Variants in ANKS1B observed in about 807,000 individuals in gnomAD.
ANKS1B encodes ankyrin repeat and sterile alpha motif domain containing 1B.
Under a neutral mutation model 148.3 loss-of-function variants are expected in ANKS1B, and 36 were observed. The ratio of observed to expected loss-of-function variants is 0.24; its 90% CI spans 0.19 to 0.32. ANKS1B has a LOEUF of 0.32. Among genes scored for constraint, ANKS1B ranks in the 10% least tolerant of loss-of-function variants. The probability of loss-of-function intolerance (pLI) is 1.00; values close to 1 mark genes in which losing one functional copy is unlikely to be tolerated. For missense variants in ANKS1B, 1,157 were observed against 1,542.6 expected (o/e 0.75, Z 4.19); for synonymous variants, 542 against 560.8 (o/e 0.97, Z 0.47).
chr12:98,879,870 C>T (rs1200238958), intron 17 of ANKS1B, among the ~76,000 whole-genome samples: 1 of 152,102 alleles, frequency 6.6e-6, no homozygotes, highest in Non-Finnish European at 1.5e-5. Flanking sequence ...TTTTTCCAAC[C>T]AGAAATGACA....
At chr12:99,882,417 T>C (rs1241262143) in intron 1 of ANKS1B, among the ~76,000 whole-genome samples, 1 of 152,066 alleles carries the variant, frequency 6.6e-6, no homozygotes, top group Non-Finnish European at 1.5e-5. Flanking sequence ...AAAAGTTCAG[T>C]GAACTCCAAA....
chr12:99,613,153 G>T (rs768505044), intron 9 of ANKS1B, among the ~76,000 whole-genome samples: 56 of 152,100 alleles, frequency 3.7e-4, no homozygotes, highest in Non-Finnish European at 7.6e-4. Context: ...TTCTATTGTT[G>T]AGTAAAGAAG....
At position 99,778,806 on chromosome 12, in the gene ANKS1B, A is replaced by G. The variant is rs920448451; in HGVS notation, c.847+1065T>C. Among the ~76,000 whole-genome samples, 7 of 152,304 alleles carry G rather than the reference A, an allele frequency of 4.6e-5. No homozygotes were observed. In the East Asian group the frequency reaches 9.7e-4, roughly 21 times the overall value. On this transcript the variant is annotated intron_variant, in intron 6 of 26. Coordinates refer to ENST00000683438, the MANE Select transcript of ANKS1B (RefSeq NM_001352186.2). ...AGAGCATAATGGCCACATATAGTGC[A>G]TCTATTCCTTTTACTCCTCCTTGGC...
In ANKS1B at chr12:98,744,716, A is replaced by T. The variant is rs924496412; in HGVS notation, c.*1023T>A. ...TGTATTTATTTTTTCTAGAAAAAGA[A>T]ATTTTTGCAATAGAATTTTATTAAC... On this transcript the variant is annotated 3_prime_UTR_variant, in exon 27 of 27. Transcript: ENST00000683438. 33 of 980,796 alleles carry T rather than the reference A, an allele frequency of 3.4e-5. No individual in the cohort carries two copies. Among genetic ancestry groups the T allele is most frequent in the African/African-American group, 2.8e-4 (16 of 57,076 alleles). The allele number at this position is 980,796 out of a possible 1,614,324, so 60.8% of individuals were successfully genotyped here. A position where few individuals can be genotyped will look rare whatever the true frequency, so the allele number is the denominator to read the frequency against.
At chr12:99,842,323 A>C (rs997397350) in intron 1 of ANKS1B, among the ~76,000 whole-genome samples, 1 of 152,102 alleles carries the variant, frequency 6.6e-6, no homozygotes, top group Non-Finnish European at 1.5e-5. Context: ...ACTTCTAATA[A>C]TTTATTTAGA....
At chr12:99,799,042 C>T (rs905172540) in intron 4 of ANKS1B, among the ~76,000 whole-genome samples, 7 of 152,048 alleles carry the variant, frequency 4.6e-5, no homozygotes, top group African/African-American at 1.2e-4. Context: ...AGCTTCTATC[C>T]GCTATCTTAC....
At chr12:99,928,500 G>A (rs188809769) in intron 1 of ANKS1B, among the ~76,000 whole-genome samples, 8 of 151,388 alleles carry the variant, frequency 5.3e-5, no homozygotes, top group African/African-American at 1.9e-4. Context: ...GGATGGTCTC[G>A]ATCTCCTGAC....
intron 9 of ANKS1B, among the ~76,000 whole-genome samples, chr12:98,737,718 T>G (rs2153349483): frequency 6.6e-6 from 1 of 152,302 alleles, no homozygotes; most frequent in African/African-American, 2.4e-5. Flanking sequence ...TATCTTGCCG[T>G]TTTAGTTTGG....
intron 15 of ANKS1B, among the ~76,000 whole-genome samples, chr12:99,147,437 C>T (rs956005581): frequency 2.0e-5 from 3 of 152,050 alleles, no homozygotes; most frequent in African/African-American, 7.2e-5. Context: ...ATTAAGGATC[C>T]TAAATATGAA....
At chr12:99,638,282 C>T (rs888595416) in intron 9 of ANKS1B, among the ~76,000 whole-genome samples, 6 of 152,114 alleles carry the variant, frequency 3.9e-5, no homozygotes, top group African/African-American at 1.2e-4. Flanking sequence ...TTCCTAGAGA[C>T]TTGAGGGCTC....
chr12:99,919,076 C>T (rs902700991), intron 1 of ANKS1B, among the ~76,000 whole-genome samples: 1 of 152,180 alleles, frequency 6.6e-6, no homozygotes, highest in Non-Finnish European at 1.5e-5. Context: ...TTTAGCATCA[C>T]CTGTCCTTCA....
chr12:99,536,206 C>T (rs2097063696), intron 9 of ANKS1B, among the ~76,000 whole-genome samples: 1 of 152,090 alleles, frequency 6.6e-6, no homozygotes, highest in Admixed American at 6.5e-5. Context: ...AGAATGAACC[C>T]TAATGCAAAC....
chr12:99,119,519 G>A (rs2062211492), intron 15 of ANKS1B, among the ~76,000 whole-genome samples: 1 of 152,142 alleles, frequency 6.6e-6, no homozygotes. Context: ...CTAATATATT[G>A]CTGAACTTTG....
intron 22 of ANKS1B, among the ~76,000 whole-genome samples, chr12:98,788,956 C>T (rs1488276290): frequency 4.6e-5 from 7 of 152,176 alleles, no homozygotes; most frequent in Non-Finnish European, 1.0e-4. Flanking sequence ...TTATTTAATT[C>T]TTCATGGTTT....
At chr12:99,065,455 C>T (rs893509824) in intron 16 of ANKS1B, among the ~76,000 whole-genome samples, 1 of 152,184 alleles carries the variant, frequency 6.6e-6, no homozygotes, top group African/African-American at 2.4e-5. Context: ...CCAGAATTAG[C>T]AGTACACAAA....
At chr12:98,937,942 A>T (rs1259929153) in intron 17 of ANKS1B, among the ~76,000 whole-genome samples, 1 of 151,960 alleles carries the variant, frequency 6.6e-6, no homozygotes, top group Non-Finnish European at 1.5e-5. Context: ...ATTTTAAACC[A>T]TCAGATCTTG....
chr12:99,473,752 C>T (rs183682683), intron 10 of ANKS1B, among the ~76,000 whole-genome samples: 73 of 151,988 alleles, frequency 4.8e-4, no homozygotes, highest in Admixed American at 1.8e-3. Context: ...CAATTGTTTC[C>T]ATTCTTTGTT....
intron 1 of ANKS1B, among the ~76,000 whole-genome samples, chr12:99,831,330 A>G (rs2083952592): frequency 6.6e-6 from 1 of 152,116 alleles, no homozygotes; most frequent in South Asian, 2.1e-4. Flanking sequence ...AGAGCTTATA[A>G]TAAGCTGGTG....
intron 1 of ANKS1B, among the ~76,000 whole-genome samples, chr12:99,884,378 T>C (rs935355010): frequency 6.6e-6 from 1 of 152,216 alleles, no homozygotes; most frequent in African/African-American, 2.4e-5. Context: ...ATTTAACTTA[T>C]GACCCAGTAA....
Sources: allele counts gnomAD v4.1 joint callset (sites outside exome capture counted in the v4.1 genomes callset), GRCh38; gene constraint gnomAD v4.1.1; transcripts MANE v1.5; gene names NCBI Gene and HGNC (gene_info 2026-07-23, HGNC 2026-07-21).